Variants in DLG2 observed in about 807,000 individuals in gnomAD.
DLG2 encodes the protein disks large homolog 2.
Under a neutral mutation model 132.5 loss-of-function variants are expected in DLG2, and 45 were observed. The ratio of observed to expected loss-of-function variants is 0.34; its 90% CI spans 0.27 to 0.44. DLG2 has a LOEUF of 0.44. Ranked by LOEUF, DLG2 falls within the 20% of genes least tolerant of loss-of-function variation. The pLI, the probability that DLG2 is intolerant of heterozygous loss-of-function variation, is 1.00. For missense variants in DLG2, 1,045 were observed against 1,196.9 expected (o/e 0.87, Z 1.87); for synonymous variants, 424 against 419.6 (o/e 1.01, Z -0.13).
chr11:83,471,683 G>T lies in DLG2; in HGVS notation c.2389C>A (p.Arg797=), dbSNP rs34857356. 7,337 of 1,613,058 alleles carry T rather than the reference G, an allele frequency of 4.5e-3. 177 individuals carry two copies. In the African/African-American group the frequency reaches 0.065, roughly 14 times the overall value. The change falls in exon 24 of 28, where the codon CGG becomes AGG. Residue 797 remains arginine, a synonymous_variant. Coordinates refer to ENST00000376104, the MANE Select transcript of DLG2 (RefSeq NM_001142699.3). The part of the protein sequence containing the change: ...PVIILGPMKD[R]INDDLISEFP... ...TCAGATATCAAGTCGTCATTGATCC[G>T]ATCCTTCATGGGCCCCAGGATAATC...
intron 3 of DLG2, among the ~76,000 whole-genome samples, chr11:85,385,561 T>C (rs1203920223): frequency 6.6e-6 from 1 of 152,104 alleles, no homozygotes; most frequent in East Asian, 1.9e-4. Flanking sequence ...CCAAAGAGGA[T>C]CAGATGTCTC....
chr11:84,043,353 G>C (rs920991750), intron 11 of DLG2, among the ~76,000 whole-genome samples: 3 of 151,684 alleles, frequency 2.0e-5, no homozygotes, highest in Admixed American at 6.6e-5. Flanking sequence ...GCATATTTTA[G>C]GAAAGAGTGA....
At chr11:84,096,027 A>G (rs1171648968) in intron 10 of DLG2, among the ~76,000 whole-genome samples, 3 of 152,192 alleles carry the variant, frequency 2.0e-5, no homozygotes, top group African/African-American at 7.2e-5. Flanking sequence ...ACCTCTTAAC[A>G]TTGTGAAAGC....
chr11:85,225,756 T>C (rs576324557), intron 4 of DLG2, among the ~76,000 whole-genome samples: 1 of 152,228 alleles, frequency 6.6e-6, no homozygotes, highest in South Asian at 2.1e-4. Context: ...AGAGGTAGTC[T>C]CAAACATCCC....
chr11:83,474,174 ATTGGTCAGGGGT>A (rs1380660953), intron 22 of DLG2, among the ~76,000 whole-genome samples: 1 of 152,080 alleles, frequency 6.6e-6, no homozygotes, highest in Non-Finnish European at 1.5e-5. Context: ...ACTCTGCCAC[ATTGGTCAGGGGT>A]TTGGTCAGTG....
chr11:84,591,390 G>A (rs2099543019), intron 6 of DLG2, among the ~76,000 whole-genome samples: 2 of 151,450 alleles, frequency 1.3e-5, no homozygotes, highest in African/African-American at 2.4e-5. Context: ...CTAACAGTCA[G>A]GTGCAGTGGC....
At chr11:85,414,502 T>C (rs1453519778) in intron 3 of DLG2, among the ~76,000 whole-genome samples, 2 of 151,934 alleles carry the variant, frequency 1.3e-5, no homozygotes, top group African/African-American at 4.8e-5. Flanking sequence ...TTGAGGCTCA[T>C]TTTGTGGCCT....
At chr11:84,687,887 A>G (rs569037464) in intron 6 of DLG2, among the ~76,000 whole-genome samples, 43 of 152,346 alleles carry the variant, frequency 2.8e-4, no homozygotes, top group African/African-American at 1.0e-3. Context: ...CCACTAATTG[A>G]AAACTAAGGA....
intron 8 of DLG2, among the ~76,000 whole-genome samples, chr11:84,215,478 C>T (rs2096823941): frequency 6.6e-6 from 1 of 151,948 alleles, no homozygotes; most frequent in Admixed American, 6.6e-5. Context: ...TGAGCAGTTT[C>T]CAGGCTGTTA....
intron 3 of DLG2, among the ~76,000 whole-genome samples, chr11:85,300,416 G>A (rs2079516423): frequency 6.6e-6 from 1 of 152,130 alleles, no homozygotes; most frequent in African/African-American, 2.4e-5. Context: ...CAGGGATACA[G>A]TAAATGGAAT....
intron 6 of DLG2, chr11:84,923,498 A>G (rs1200257468): frequency 1.9e-6 from 2 of 1,032,388 alleles, no homozygotes; most frequent in Non-Finnish European, 2.3e-6. Flanking sequence ...TGAAGAATTG[A>G]AATTTAACCA....
At position 85,559,158 on chromosome 11, in the gene DLG2, T is replaced by A. The variant is rs12049903; in HGVS notation, c.40+39499A>T. Among the ~76,000 whole-genome samples, 759 of 149,898 alleles carry A rather than the reference T, an allele frequency of 5.1e-3. 15 individuals are homozygous for A. Among genetic ancestry groups the A allele is most frequent in the East Asian group, 0.024 (122 of 5,166 alleles). On this transcript the variant is annotated intron_variant, in intron 3 of 27. Transcript: ENST00000376104. ...TATGGCTTCCATTATTATTATTATT[T>A]TTTTTTTTTTTGAGACGGTGTCTTG... is the stretch of plus-strand genomic sequence containing the variant.
At chr11:84,372,777 A>G (rs2098711451) in intron 7 of DLG2, among the ~76,000 whole-genome samples, 1 of 152,156 alleles carries the variant, frequency 6.6e-6, no homozygotes, top group African/African-American at 2.4e-5. Flanking sequence ...AGCTTCCATT[A>G]GCTTAACTAA....
At chr11:83,723,016 G>T (rs527813104) in intron 18 of DLG2, among the ~76,000 whole-genome samples, 1 of 152,280 alleles carries the variant, frequency 6.6e-6, no homozygotes, top group South Asian at 2.1e-4. Context: ...GCATGTGGAT[G>T]CAATTAGGAA....
At chr11:84,362,093 G>A (rs1353285090) in intron 7 of DLG2, among the ~76,000 whole-genome samples, 1 of 151,810 alleles carries the variant, frequency 6.6e-6, no homozygotes, top group Non-Finnish European at 1.5e-5. Context: ...CAATTAAAAG[G>A]TAGAGATTGA....
intron 6 of DLG2, among the ~76,000 whole-genome samples, chr11:84,981,214 C>G (rs1213884838): frequency 6.6e-6 from 1 of 152,016 alleles, no homozygotes; most frequent in Non-Finnish European, 1.5e-5. Flanking sequence ...TATAATTTTT[C>G]TCTAGAATAA....
At chr11:84,731,234 T>C (rs1217203614) in intron 6 of DLG2, among the ~76,000 whole-genome samples, 3 of 152,034 alleles carry the variant, frequency 2.0e-5, no homozygotes, top group African/African-American at 7.2e-5. Flanking sequence ...GTTAGCACAT[T>C]AACTTTATCT....
At chr11:83,665,295 T>C (rs1159815408) in intron 18 of DLG2, among the ~76,000 whole-genome samples, 2 of 152,174 alleles carry the variant, frequency 1.3e-5, no homozygotes, top group South Asian at 2.1e-4. Context: ...TCTTTTATTC[T>C]TCAACTATGC....
rs185450178 is a variant in DLG2, at chr11:84,540,132, C to A, written c.358-5401G>T. Among the ~76,000 whole-genome samples, 355 of 152,218 alleles carry A rather than the reference C, an allele frequency of 2.3e-3. 3 individuals are homozygous for A. Among genetic ancestry groups the A allele is most frequent in the African/African-American group, 8.0e-3 (332 of 41,542 alleles). ...ATACCACTCAGGACATAGGCATGGG[C>A]AAGAACTTCATGTCTAAAACACCAT... On this transcript the variant is annotated intron_variant, in intron 6 of 27. Coordinates refer to ENST00000376104, the MANE Select transcript of DLG2 (RefSeq NM_001142699.3).
Sources: allele counts gnomAD v4.1 joint callset (sites outside exome capture counted in the v4.1 genomes callset), GRCh38; gene constraint gnomAD v4.1.1; transcripts MANE v1.5; gene names NCBI Gene and HGNC (gene_info 2026-07-23, HGNC 2026-07-21).